BTBD7: variants seen among roughly 807,000 people sequenced by gnomAD.
BTBD7 encodes BTB domain containing 7, also known as BTB/POZ domain-containing protein 7.
In BTBD7, 38 loss-of-function variants were observed where a neutral mutation model predicts 99.9. The ratio of observed to expected loss-of-function variants is 0.38; its 90% CI spans 0.29 to 0.50. The LOEUF (loss-of-function observed/expected upper bound fraction) is 0.50. BTBD7 is among the 20% of genes least tolerant of loss of function. The pLI is 0.93. For missense variants in BTBD7, 1,170 were observed against 1,394.6 expected (o/e 0.84, Z 2.57); for synonymous variants, 520 against 511.4 (o/e 1.02, Z -0.23).
chr14:93,251,099 G>A (rs964541352), intron 8 of BTBD7, among the ~76,000 whole-genome samples: 1 of 152,210 alleles, frequency 6.6e-6, no homozygotes, highest in Non-Finnish European at 1.5e-5. Context: ...GGTTTTCAGA[G>A]AGGTGTGCAT....
chr14:93,273,071 G>A (rs144584263), intron 3 of BTBD7, among the ~76,000 whole-genome samples: 8 of 152,292 alleles, frequency 5.3e-5, no homozygotes, highest in Admixed American at 4.6e-4. Flanking sequence ...CAAGGTTCTT[G>A]AATGAGATTC....
chr14:93,293,981 A>G lies in BTBD7; in HGVS notation c.1039T>C (p.Ser347Pro). ...VDLSVLHCSP[S>P]VGSLSEVQAL... ...TGAACTTCACTGAGACTCCCCACAGAGGGGCTACAGTGCAAAACAGAGAGG... is the reference window on the plus strand; with the variant it reads ...TGAACTTCACTGAGACTCCCCACAGGGGGGCTACAGTGCAAAACAGAGAGG... The change falls in exon 3 of 11, where the codon TCT becomes CCT. Residue 347 changes from serine (S) to proline (P), a missense_variant. This residue lies in a region of BTBD7 where 359 missense variants were observed against 497.9 expected (regional missense o/e 0.72). Transcript: ENST00000334746. 1 of 1,613,824 alleles carries G rather than the reference A, an allele frequency of 6.2e-7. No individual in the cohort carries two copies. The highest frequency in any genetic ancestry group is 1.3e-5 in the African/African-American group (1 of 75,040).
At chr14:93,265,420 C>T (rs960039699) in intron 3 of BTBD7, among the ~76,000 whole-genome samples, 40 of 152,204 alleles carry the variant, frequency 2.6e-4, no homozygotes, top group African/African-American at 9.7e-4. Flanking sequence ...AAGATAGGGA[C>T]GGCTATCTTC....
In BTBD7 at chr14:93,257,064, A is replaced by T. The variant is rs1566838277; in HGVS notation, c.1608+131T>A. ...AGATACAACATCGTACACAATAGAC[A>T]TCTGTCTCTGTCCTCACAGAATTAC... On this transcript the variant is annotated intron_variant, in intron 6 of 10. Transcript: ENST00000334746. 3 of 870,548 alleles carry T rather than the reference A, an allele frequency of 3.4e-6. No homozygotes were observed. In the East Asian group the frequency reaches 7.8e-5, roughly 23 times the overall value. 53.9% of individuals were successfully genotyped at this position (870,548 alleles called of 1,614,324 possible).
intron 1 of BTBD7, among the ~76,000 whole-genome samples, chr14:93,301,374 A>G (rs1266135430): frequency 1.3e-5 from 2 of 152,058 alleles, no homozygotes; most frequent in East Asian, 3.9e-4. Context: ...TATTTTTAGT[A>G]AAGACAGGGT....
At chr14:93,276,127 AATTG>A (rs779939754) in intron 3 of BTBD7, among the ~76,000 whole-genome samples, 1 of 152,090 alleles carries the variant, frequency 6.6e-6, no homozygotes, top group Non-Finnish European at 1.5e-5. Flanking sequence ...GAGGTGGGAG[AATTG>A]ATTGAGCTTG....
intron 1 of BTBD7, among the ~76,000 whole-genome samples, chr14:93,314,975 C>G (rs546226576): frequency 6.6e-6 from 1 of 152,068 alleles, no homozygotes; most frequent in African/African-American, 2.4e-5. Context: ...AAATAATAAA[C>G]GGAAAATATT....
chr14:93,264,559 C>A (rs1421366077), intron 3 of BTBD7, among the ~76,000 whole-genome samples: 1 of 152,026 alleles, frequency 6.6e-6, no homozygotes, highest in Non-Finnish European at 1.5e-5. Context: ...GGACCAGGAT[C>A]CTGGAGAAAG....
intron 9 of BTBD7, among the ~76,000 whole-genome samples, 154 bp from the exon 10 acceptor site, chr14:93,246,440 A>G (rs1311543840): frequency 6.6e-6 from 1 of 152,246 alleles, no homozygotes; most frequent in African/African-American, 2.4e-5. Flanking sequence ...GAAGCCCAAG[A>G]AAAAAATCAC....
intron 3 of BTBD7, among the ~76,000 whole-genome samples, chr14:93,274,069 A>G (rs540276566): frequency 1.3e-5 from 2 of 152,356 alleles, no homozygotes; most frequent in South Asian, 2.1e-4. Flanking sequence ...TAAGAGCTCA[A>G]ATACCTCTGG....
At chr14:93,261,276 T>C (rs931128728) in intron 5 of BTBD7, among the ~76,000 whole-genome samples, 1 of 152,258 alleles carries the variant, frequency 6.6e-6, no homozygotes, top group African/African-American at 2.4e-5. Context: ...TTCATCAACA[T>C]TATGCTTTTG....
At chr14:93,308,990 T>A (rs909984748) in intron 1 of BTBD7, among the ~76,000 whole-genome samples, 3 of 152,198 alleles carry the variant, frequency 2.0e-5, no homozygotes, top group South Asian at 2.1e-4. Context: ...GTAAATGTTA[T>A]GTATTTTTAA....
At chr14:93,306,075 T>C (rs1440904106) in intron 1 of BTBD7, among the ~76,000 whole-genome samples, 1 of 152,238 alleles carries the variant, frequency 6.6e-6, no homozygotes, top group African/African-American at 2.4e-5. Context: ...CAAATCATAG[T>C]AGACATCTAT....
intron 1 of BTBD7, among the ~76,000 whole-genome samples, chr14:93,300,504 C>A (rs1310959823): frequency 1.3e-5 from 2 of 151,896 alleles, no homozygotes; most frequent in Non-Finnish European, 2.9e-5. Flanking sequence ...GATTCGCCCA[C>A]CTCAGCCTCC....
intron 1 of BTBD7, among the ~76,000 whole-genome samples, chr14:93,321,233 C>A (rs1257571737): frequency 6.6e-6 from 1 of 152,228 alleles, no homozygotes; most frequent in Non-Finnish European, 1.5e-5. Flanking sequence ...ATTTTCTGAG[C>A]ACCTAGTATG....
At chr14:93,261,538 T>G in intron 5 of BTBD7, 64 bp downstream of exon 5, 3 of 1,256,740 alleles carry the variant, frequency 2.4e-6, no homozygotes, top group Non-Finnish European at 3.5e-6. Context: ...CGGCATGCAT[T>G]TCTATATAAG....
Position 93,240,538 on chromosome 14 carries a change from A to G in BTBD7, c.*1735T>C, listed in dbSNP as rs535601961. 6 of 152,754 alleles carry G rather than the reference A, an allele frequency of 3.9e-5. 1 individual carries two copies. The highest frequency in any genetic ancestry group is 1.4e-4 in the African/African-American group (6 of 41,578). 9.5% of individuals were successfully genotyped at this position (152,754 alleles called of 1,614,324 possible). ...GTTTTCGAGTGAGTGTGAGTGATTC[A>G]TAGTTTTTTATATATATACATACAT... On this transcript the variant is annotated 3_prime_UTR_variant, in exon 11 of 11. Transcript: ENST00000334746.
intron 1 of BTBD7, 84 bp downstream of exon 1, chr14:93,332,736 C>T: frequency 7.1e-7 from 1 of 1,408,756 alleles, no homozygotes; most frequent in Non-Finnish European, 9.2e-7. Context: ...CGCCTAAGAA[C>T]AGCCCCTTCC....
At chr14:93,299,282 C>T in intron 1 of BTBD7, among the ~76,000 whole-genome samples, 1 of 152,196 alleles carries the variant, frequency 6.6e-6, no homozygotes. Context: ...CTCAGGTAAC[C>T]AAAATCCTAT....
Sources: allele counts gnomAD v4.1 joint callset (sites outside exome capture counted in the v4.1 genomes callset), GRCh38; gene constraint gnomAD v4.1.1; regional missense constraint gnomAD v4.1.1; transcripts MANE v1.5; gene names NCBI Gene and HGNC (gene_info 2026-07-23, HGNC 2026-07-21).